Variants in NFIB observed in about 807,000 individuals in gnomAD.
NFIB encodes the protein nuclear factor 1 B-type.
A neutral mutation model predicts 61.5 loss-of-function variants in NFIB; 11 were observed. The ratio of observed to expected loss-of-function variants is 0.18; its 90% CI spans 0.11 to 0.30. The LOEUF (loss-of-function observed/expected upper bound fraction) is 0.30. Among genes scored for constraint, NFIB ranks in the 10% least tolerant of loss-of-function variants. The pLI is 1.00. For synonymous variants in NFIB, 260 were observed against 216.5 expected (o/e 1.20, Z -1.76); for missense variants, 471 against 608.9 (o/e 0.77, Z 2.38).
At chr9:14,488,959 A>G in the NFIB span, among the ~76,000 whole-genome samples, 1 of 152,222 alleles carries the variant, frequency 6.6e-6, no homozygotes, top group African/African-American at 2.4e-5. Flanking sequence ...AACATACAGT[A>G]GTTTCCTCAT....
At chr9:14,208,141 A>T (rs1374672716) in intron 2 of NFIB, among the ~76,000 whole-genome samples, 4 of 152,184 alleles carry the variant, frequency 2.6e-5, no homozygotes. Flanking sequence ...CTTTTATTCC[A>T]TATTTGTAAT....
chr9:14,341,448 A>T lies in NFIB; in HGVS notation c.109-33928T>A, dbSNP rs549461677. Among the ~76,000 whole-genome samples, 3 of 152,198 alleles carry T rather than the reference A, an allele frequency of 2.0e-5. No individual in the cohort carries two copies. In the South Asian group the frequency reaches 6.2e-4, roughly 32 times the overall value. ...AACAGGTTTCCACATCTATGTCATA[A>T]GTAGCAGAGGCCCTCAATGAAAACA... On this transcript the variant is annotated intron_variant, in intron 1 of 8. Transcript: ENST00000380934.
chr9:14,195,571 T>C (rs571855482), intron 2 of NFIB, among the ~76,000 whole-genome samples: 1 of 152,370 alleles, frequency 6.6e-6, no homozygotes, highest in African/African-American at 2.4e-5. Context: ...TATTTAGGTT[T>C]CTTTATTCAC....
intron 3 of NFIB, among the ~76,000 whole-genome samples, chr9:14,162,812 T>C (rs1456233838): frequency 6.6e-6 from 1 of 152,092 alleles, no homozygotes; most frequent in Non-Finnish European, 1.5e-5. Flanking sequence ...CCAAAAAAAT[T>C]CAATTTTTCA....
chr9:14,096,052 T>TA (rs1031253638), intron 10 of NFIB, among the ~76,000 whole-genome samples: 8 of 152,226 alleles, frequency 5.3e-5, no homozygotes, highest in Non-Finnish European at 7.4e-5. Flanking sequence ...TAAATATGAC[T>TA]AAAAAAATCA....
intron 2 of NFIB, among the ~76,000 whole-genome samples, chr9:14,287,911 C>T (rs2058824907): frequency 1.3e-5 from 2 of 152,048 alleles, no homozygotes; most frequent in African/African-American, 4.8e-5. Context: ...ATATTTTAGT[C>T]TGACAATAAA....
chr9:14,463,239 C>T, the NFIB span, among the ~76,000 whole-genome samples: 1 of 151,488 alleles, frequency 6.6e-6, no homozygotes, highest in Non-Finnish European at 1.5e-5. Flanking sequence ...GCAAGAAAAG[C>T]TGCAGCTACC....
Position 14,313,628 on chromosome 9 carries a change from G to T in NFIB, c.-117C>A. Reference sequence around the variant, plus strand: ...CCCGCGATGCGATCAATCAGGACGGGGCTCTGCGCTGGATCACCGCAACTT... The same window carrying T: ...CCCGCGATGCGATCAATCAGGACGGTGCTCTGCGCTGGATCACCGCAACTT... On this transcript the variant is annotated 5_prime_UTR_variant, in exon 1 of 11. Transcript: ENST00000380953. The surrounding 1 kb of genome is among the most constrained non-coding windows in gnomAD (Gnocchi z 4.5). 6.3e-6 allele frequency: 10 copies of T among 1,581,104 alleles called. No homozygotes were observed. Among genetic ancestry groups the T allele is most frequent in the Non-Finnish European group, 8.6e-6 (10 of 1,164,282 alleles).
intron 1 of NFIB, among the ~76,000 whole-genome samples, chr9:14,344,290 G>T (rs1178778534): frequency 6.6e-6 from 1 of 151,936 alleles, no homozygotes; most frequent in Non-Finnish European, 1.5e-5. Flanking sequence ...GGTGATGGGG[G>T]TGCGAGAGTG....
the NFIB span, among the ~76,000 whole-genome samples, chr9:14,418,322 C>T: frequency 3.3e-5 from 5 of 152,308 alleles, no homozygotes; most frequent in Admixed American, 3.3e-4. Context: ...AGCTCAGCAA[C>T]CAAACTATAT....
At chr9:14,356,916 A>AT (rs2061182811) in intron 1 of NFIB, among the ~76,000 whole-genome samples, 2 of 152,222 alleles carry the variant, frequency 1.3e-5, no homozygotes, top group African/African-American at 4.8e-5. Flanking sequence ...ACACTGATTT[A>AT]TAGAAGCTCA....
Position 14,085,615 on chromosome 9 carries a change from C to T in NFIB, c.*2694G>A, listed in dbSNP as rs2032743494. ...TGAAAACAGGATTTACTTTTTTGTT[C>T]CTTAAAAATTGAACTTTGATTTTAA... On this transcript the variant is annotated 3_prime_UTR_variant, in exon 11 of 11. Coordinates refer to ENST00000380953, the MANE Select transcript of NFIB (RefSeq NM_001190737.2). 3 of 219,654 alleles carry T rather than the reference C, an allele frequency of 1.4e-5. No homozygotes were observed. The highest frequency in any genetic ancestry group is 2.7e-5 in the Non-Finnish European group (3 of 109,766). The allele number at this position is 219,654 out of a possible 1,614,324, so 13.6% of individuals were successfully genotyped here.
the NFIB span, among the ~76,000 whole-genome samples, chr9:14,449,050 G>A: frequency 6.6e-6 from 1 of 152,180 alleles, no homozygotes; most frequent in African/African-American, 2.4e-5. Context: ...AGGTTACCAT[G>A]AAACTTTAAG....
At chr9:14,228,608 G>A (rs982310804) in intron 2 of NFIB, among the ~76,000 whole-genome samples, 1 of 152,118 alleles carries the variant, frequency 6.6e-6, no homozygotes, top group South Asian at 2.1e-4. Flanking sequence ...ATTTATTTGG[G>A]CTATATTAAT....
At chr9:14,199,868 C>T (rs1430821927) in intron 2 of NFIB, among the ~76,000 whole-genome samples, 1 of 152,178 alleles carries the variant, frequency 6.6e-6, no homozygotes, top group Non-Finnish European at 1.5e-5. Flanking sequence ...TTTACTTACA[C>T]ATTAGTTGGC....
intron 9 of NFIB, among the ~76,000 whole-genome samples, chr9:14,115,559 G>A (rs148299716): frequency 5.7e-4 from 86 of 152,020 alleles, no homozygotes; most frequent in Non-Finnish European, 1.0e-3. Flanking sequence ...TAAATGTTAT[G>A]GCCACACTAA....
chr9:14,445,098 G>A, the NFIB span, among the ~76,000 whole-genome samples: 4 of 152,120 alleles, frequency 2.6e-5, no homozygotes, highest in African/African-American at 4.8e-5. Flanking sequence ...TTTCAGTGCC[G>A]TATGGTGCTT....
intron 2 of NFIB, among the ~76,000 whole-genome samples, chr9:14,305,057 A>C (rs1356783237): frequency 6.6e-6 from 1 of 152,260 alleles, no homozygotes; most frequent in Non-Finnish European, 1.5e-5. Context: ...TGTTTTATCT[A>C]AAACCATGGT....
chr9:14,457,578 G>GTT, the NFIB span, among the ~76,000 whole-genome samples: 1,758 of 148,116 alleles, frequency 0.012, 32 homozygotes, highest in African/African-American at 0.033. Flanking sequence ...CCAGGAGCTG[G>GTT]TTTTTTTTTT....
Sources: allele counts gnomAD v4.1 joint callset (sites outside exome capture counted in the v4.1 genomes callset), GRCh38; gene constraint gnomAD v4.1.1; non-coding constraint Gnocchi (gnomAD v3.1); transcripts MANE v1.5; gene names NCBI Gene and HGNC (gene_info 2026-07-23, HGNC 2026-07-21).